The following LRRC59 variants were observed in gnomAD, a reference collection of about 807,000 sequenced individuals.
The protein encoded by LRRC59 is leucine rich repeat containing 59, also known as leucine-rich repeat-containing protein 59.
LRRC59 carries 18 observed loss-of-function variants against 33.5 expected under a neutral mutation model. The observed-to-expected ratio is 0.54, with a 90% confidence interval of 0.37 to 0.80. LRRC59 has a LOEUF of 0.80. Among genes scored for constraint, LRRC59 ranks in the 30% least tolerant of loss-of-function variants. The pLI is 0.00. For synonymous variants in LRRC59, 138 were observed against 160.0 expected (o/e 0.86, Z 1.04); for missense variants, 330 against 391.9 (o/e 0.84, Z 1.33).
In LRRC59 at chr17:50,385,220, T is replaced by C; in HGVS notation, c.574A>G (p.Lys192Glu). 1 of 1,614,164 alleles carries C rather than the reference T, an allele frequency of 6.2e-7. No individual in the cohort carries two copies. Among genetic ancestry groups the C allele is most frequent in the Non-Finnish European group, 8.5e-7 (1 of 1,180,044 alleles). The change falls in exon 6 of 7, where the codon AAG (lysine) becomes GAG (glutamate). Residue 192 changes from lysine (K) to glutamate (E), a missense_variant. Physicochemically the swap from Lys to Glu is moderately conservative, Grantham distance 56. Transcript: ENST00000225972. Reference sequence around the variant, plus strand: ...CTCCGGCGCTCCTTCTCTTCCGCCTTCTCCCGCTTCCGCAGTTCCCGCTCC... The same window carrying C: ...CTCCGGCGCTCCTTCTCTTCCGCCTCCTCCCGCTTCCGCAGTTCCCGCTCC... ...AQERELRKRE[K>E]AEEKERRRKE...
chr17:50,392,575 A>T (rs1246012304), intron 3 of LRRC59, 73 bp from the exon 4 acceptor site: 4 of 1,480,018 alleles, frequency 2.7e-6, no homozygotes, highest in Non-Finnish European at 3.8e-6. Flanking sequence ...AGGGTGAAAC[A>T]AAATGAGCAG....
chr17:50,390,301 G>C (rs1470174884), intron 4 of LRRC59, among the ~76,000 whole-genome samples: 1 of 151,590 alleles, frequency 6.6e-6, no homozygotes, highest in Non-Finnish European at 1.5e-5. Context: ...AGACAAGCCT[G>C]GCCAACATGG....
intron 5 of LRRC59, among the ~76,000 whole-genome samples, chr17:50,387,775 G>C (rs1343699051): frequency 6.6e-6 from 1 of 152,128 alleles, no homozygotes; most frequent in Non-Finnish European, 1.5e-5. Flanking sequence ...AGGGACTGAA[G>C]GGCCATCAGG....
Position 50,382,646 on chromosome 17 carries a change from C to A in LRRC59, c.*342G>T. ...GCATACAAAAGTATAAATGTAGTGA[C>A]AGCTGACCATTTAGTAGAAACGAGC... On this transcript the variant is annotated 3_prime_UTR_variant, in exon 7 of 7. Coordinates refer to ENST00000225972, the MANE Select transcript of LRRC59 (RefSeq NM_018509.4). The A allele has an allele frequency of 3.4e-6, 1 of 293,252 alleles. No homozygotes were observed. Among genetic ancestry groups the A allele is most frequent in the Non-Finnish European group, 6.5e-6 (1 of 154,458 alleles). The allele number at this position is 293,252 out of a possible 1,614,324, so 18.2% of individuals were successfully genotyped here.
rs200599219 is a variant in LRRC59 at position 50,385,172 on chromosome 17, C to G, written c.622G>C (p.Ala208Pro). The change falls in exon 6 of 7, where the codon GCA becomes CCA. Residue 208 changes from alanine (A) to proline (P), a missense_variant. Transcript: ENST00000225972. ...RRRKEYDALK[A>P]AKREQEKKPK... ...TTCTTCTCCTGCTCCCGCTTGGCTG[C>G]TTTGAGGGCATCATACTCCTTTCTC... 296 of 1,614,186 alleles carry G rather than the reference C, an allele frequency of 1.8e-4. No homozygotes were observed. The highest frequency in any genetic ancestry group is 2.1e-4 in the South Asian group (19 of 91,080).
intron 4 of LRRC59, among the ~76,000 whole-genome samples, chr17:50,389,782 A>G (rs1016768963): frequency 5.3e-5 from 8 of 152,168 alleles, no homozygotes; most frequent in Admixed American, 5.2e-4. Context: ...GGAGCAGACC[A>G]GCAAAAGGAT....
intron 1 of LRRC59, chr17:50,396,895 T>A (rs1407681035): frequency 1.5e-5 from 6 of 391,578 alleles, no homozygotes; most frequent in Non-Finnish European, 2.7e-5. Context: ...CTCCGTGTGC[T>A]CCTACTCAGA....
chr17:50,386,497 C>T (rs1914006816), intron 5 of LRRC59, among the ~76,000 whole-genome samples: 1 of 152,188 alleles, frequency 6.6e-6, no homozygotes, highest in Admixed American at 6.5e-5. Flanking sequence ...CTATGTTAGC[C>T]ATAATGTAGC....
chr17:50,388,385 T>C (rs761218282), intron 4 of LRRC59, among the ~76,000 whole-genome samples: 9 of 151,970 alleles, frequency 5.9e-5, no homozygotes, highest in Non-Finnish European at 1.2e-4. Context: ...CAGAAAAATG[T>C]AAAAAATTGG....
Position 50,393,037 on chromosome 17 carries a change from T to C in LRRC59, c.166-140A>G. ...TTCCTTTTTCAGCTCATCAGTGTAT[T>C]TCATGTGTAGCCCAAGACAACTCTT... On this transcript the variant is annotated intron_variant, in intron 2 of 6. Transcript: ENST00000225972. The C allele has an allele frequency of 2.6e-6, 2 of 768,142 alleles. 1 individual carries two copies. Among genetic ancestry groups the C allele is most frequent in the South Asian group, 3.7e-5 (2 of 53,772 alleles). The allele number at this position is 768,142 out of a possible 1,614,324, so 47.6% of individuals were successfully genotyped here.
chr17:50,383,003 G>A lies in LRRC59; in HGVS notation c.909C>T (p.Thr303=), dbSNP rs145371594. ...GGGGACAAGCTCACTGCTGAGAGTC[G>A]GTCTGGAGGACCCACTGGAGGATCT... The part of the protein sequence containing the change: ...RHEILQWVLQ[T]DSQQ The change falls in exon 7 of 7, where the codon ACC becomes ACT. Residue 303 remains threonine, a synonymous_variant. Transcript: ENST00000225972. 44 of 1,612,688 alleles carry A rather than the reference G, an allele frequency of 2.7e-5. No individual in the cohort carries two copies. The African/African-American group carries it at 4.4e-4, about 16-fold the overall frequency.
chr17:50,391,103 G>T (rs1598369878), intron 4 of LRRC59, among the ~76,000 whole-genome samples: 1 of 152,348 alleles, frequency 6.6e-6, no homozygotes, highest in East Asian at 1.9e-4. Context: ...TCTGAGGATT[G>T]TGAGATGGTG....
chr17:50,392,778 G>C lies in LRRC59; in HGVS notation c.285C>G (p.Asn95Lys), dbSNP rs1033018310. 6.2e-7 allele frequency: 1 copy of C among 1,614,180 alleles called. No individual in the cohort carries two copies. Among genetic ancestry groups the C allele is most frequent in the Non-Finnish European group, 8.5e-7 (1 of 1,180,028 alleles). ...VNLQHLDLLN[N>K]KLVTLPVSFA... is the part of the protein sequence containing the mutation. ...AGCTGACAGGCAAGGTGACCAGCTT[G>C]TTGTTGAGGAGATCCAGGTGCTGGA... Residue 95 changes from asparagine (N) to lysine (K), a missense_variant, in exon 3 of 7, where the codon AAC becomes AAG. Asn to Lys is a moderately conservative substitution (Grantham distance 94). Transcript: ENST00000225972.
intron 6 of LRRC59, among the ~76,000 whole-genome samples, chr17:50,384,666 G>A (rs2143353850): frequency 6.6e-6 from 1 of 151,986 alleles, no homozygotes; most frequent in East Asian, 1.9e-4. Context: ...TTTGGAGGTT[G>A]AGGCAAGAGA....
chr17:50,397,362 T>C lies in LRRC59; in HGVS notation c.-45A>G. 1 of 1,450,930 alleles carries C rather than the reference T, an allele frequency of 6.9e-7. No individual in the cohort carries two copies. The highest frequency in any genetic ancestry group is 9.5e-7 in the Non-Finnish European group (1 of 1,055,256). 89.9% of individuals were successfully genotyped at this position (1,450,930 alleles called of 1,614,324 possible). A position where few individuals can be genotyped will look rare whatever the true frequency, so the allele number is the denominator to read the frequency against. On this transcript the variant is annotated 5_prime_UTR_variant, in exon 1 of 7. Coordinates refer to ENST00000225972, the MANE Select transcript of LRRC59 (RefSeq NM_018509.4). ...GCCCCGGCTCCGGGGTTCCGGCGGG[T>C]GAAAGGAGCTGAAATGTCGCTTGTC...
chr17:50,390,187 G>T (rs751017064), intron 4 of LRRC59, among the ~76,000 whole-genome samples: 1 of 152,014 alleles, frequency 6.6e-6, no homozygotes, highest in Non-Finnish European at 1.5e-5. Flanking sequence ...AGAAGTTATG[G>T]GTCCCGTTGC....
chr17:50,394,903 G>A lies in LRRC59; in HGVS notation c.165+26C>T, dbSNP rs141695120. The A allele has an allele frequency of 1.4e-3, 2,235 of 1,547,726 alleles. 39 individuals carry two copies. In the African/African-American group the frequency reaches 0.026, roughly 18 times the overall value. ...GGAGATGCATCCAAGGCACCAGAAG[G>A]AGTCACGGCTGCATGCCAATCTTAC... On this transcript the variant is annotated intron_variant, in intron 2 of 6. Coordinates refer to ENST00000225972, the MANE Select transcript of LRRC59 (RefSeq NM_018509.4).
At chr17:50,395,983 A>G (rs1914264774) in intron 1 of LRRC59, 1 of 152,002 alleles carries the variant, frequency 6.6e-6, no homozygotes, top group Non-Finnish European at 1.5e-5. Context: ...CTTTCTCCCT[A>G]AGGTTAATGC....
intron 4 of LRRC59, among the ~76,000 whole-genome samples, chr17:50,389,059 T>C (rs1408396430): frequency 6.6e-6 from 1 of 152,190 alleles, no homozygotes; most frequent in Admixed American, 6.5e-5. Flanking sequence ...CATAGGGTGA[T>C]TTGTCCACTG....
Sources: allele counts gnomAD v4.1 joint callset (sites outside exome capture counted in the v4.1 genomes callset), GRCh38; gene constraint gnomAD v4.1.1; transcripts MANE v1.5; gene names NCBI Gene and HGNC (gene_info 2026-07-23, HGNC 2026-07-21).